Variants in RAD51B observed in about 807,000 individuals in gnomAD.
RAD51B encodes the protein DNA repair protein RAD51 homolog 2.
In RAD51B, 38 loss-of-function variants were observed where a neutral mutation model predicts 42.2. The ratio of observed to expected loss-of-function variants is 0.90; its 90% CI spans 0.70 to 1.18. RAD51B has a LOEUF of 1.18. Among genes scored for constraint, RAD51B ranks in the 50% most tolerant of loss-of-function variants. The probability of loss-of-function intolerance (pLI) is 0.00; values close to 1 mark genes in which losing one functional copy is unlikely to be tolerated. For missense variants in RAD51B, 373 were observed against 400.7 expected, an observed-to-expected ratio of 0.93 and a Z score of 0.59; for synonymous variants, 154 against 145.2, an observed-to-expected ratio of 1.06 and a Z score of -0.43.
chr14:68,527,024 G>A (rs1021895211), intron 10 of RAD51B, among the ~76,000 whole-genome samples: 2 of 152,200 alleles, frequency 1.3e-5, no homozygotes, highest in Admixed American at 1.3e-4. Flanking sequence ...TTTGGTCTGT[G>A]ACTTGCCCAA....
At chr14:68,254,009 T>C (rs945412468) in intron 7 of RAD51B, among the ~76,000 whole-genome samples, 4 of 152,262 alleles carry the variant, frequency 2.6e-5, no homozygotes, top group African/African-American at 9.6e-5. Context: ...TATCTTGATG[T>C]GCAGTGTTAG....
At chr14:68,535,160 A>C (rs1452289844) in intron 10 of RAD51B, among the ~76,000 whole-genome samples, 1 of 152,170 alleles carries the variant, frequency 6.6e-6, no homozygotes, top group Admixed American at 6.5e-5. Flanking sequence ...GAACAATCTC[A>C]AAGTAGAAGC....
chr14:67,884,241 A>G (rs2042999602), intron 5 of RAD51B, among the ~76,000 whole-genome samples: 1 of 152,170 alleles, frequency 6.6e-6, no homozygotes, highest in East Asian at 1.9e-4. Context: ...TCCATTGACC[A>G]CCATTCCTTT....
intron 7 of RAD51B, chr14:68,069,617 C>T (rs2076709394): frequency 6.6e-6 from 1 of 152,116 alleles, no homozygotes. Flanking sequence ...GACATGATCT[C>T]ACTTTTTTAA....
chr14:68,381,765 C>T (rs1484230164), intron 8 of RAD51B, among the ~76,000 whole-genome samples: 1 of 152,128 alleles, frequency 6.6e-6, no homozygotes, highest in Admixed American at 6.6e-5. Context: ...ATAACAGTGC[C>T]ACAATAAGTG....
At position 68,081,920 on chromosome 14, in the gene RAD51B, C is replaced by T. The variant is rs118087339; in HGVS notation, c.756+194716C>T. On this transcript the variant is annotated intron_variant, in intron 7 of 10. Coordinates refer to ENST00000471583, the MANE Select transcript of RAD51B (RefSeq NM_133510.4). Reference sequence around the variant, plus strand: ...ATAAATACTTATTTTTTTTTCCTAACAATTATGTGATGTTTTGGCAAATAA... The same window carrying T: ...ATAAATACTTATTTTTTTTTCCTAATAATTATGTGATGTTTTGGCAAATAA... Among the ~76,000 whole-genome samples, 55 of 152,116 alleles carry T rather than the reference C, an allele frequency of 3.6e-4. 1 individual carries two copies. The East Asian group carries it at 0.01, about 28-fold the overall frequency.
At chr14:68,179,181 T>A (rs1385896816) in intron 7 of RAD51B, among the ~76,000 whole-genome samples, 5 of 152,192 alleles carry the variant, frequency 3.3e-5, no homozygotes, top group Non-Finnish European at 7.4e-5. Context: ...GTTAAATTAC[T>A]GTTTATTGGT....
At chr14:67,845,421 A>C (rs931477989) in intron 4 of RAD51B, among the ~76,000 whole-genome samples, 1 of 151,972 alleles carries the variant, frequency 6.6e-6, no homozygotes, top group South Asian at 2.1e-4. Context: ...TAATCCTAGC[A>C]CTTTGGGAGG....
At chr14:68,422,644 CA>C (rs1168713722) in intron 9 of RAD51B, among the ~76,000 whole-genome samples, 8 of 151,428 alleles carry the variant, frequency 5.3e-5, no homozygotes, top group Non-Finnish European at 1.5e-5. Context: ...AGAAATGAAT[CA>C]AATAAGTCTC....
At chr14:68,647,411 G>T (rs1324844722) in intron 10 of RAD51B, among the ~76,000 whole-genome samples, 1 of 151,980 alleles carries the variant, frequency 6.6e-6, no homozygotes, top group Non-Finnish European at 1.5e-5. Flanking sequence ...TAAGATAGAG[G>T]TATTTTTGTA....
intron 10 of RAD51B, among the ~76,000 whole-genome samples, chr14:68,624,085 G>T (rs572567490): frequency 6.6e-6 from 1 of 152,288 alleles, no homozygotes; most frequent in African/African-American, 2.4e-5. Flanking sequence ...CCCCTGTGGA[G>T]GTCCAGGCAT....
intron 7 of RAD51B, among the ~76,000 whole-genome samples, chr14:68,127,644 CA>C (rs2077793940): frequency 7.7e-6 from 1 of 130,166 alleles, no homozygotes; most frequent in Non-Finnish European, 1.6e-5. Flanking sequence ...CACACACACA[CA>C]CACACACACA....
At position 68,489,937 on chromosome 14, in the gene RAD51B, A is replaced by C. The variant is rs149904132; in HGVS notation, c.1036+21687A>C. 2.0e-4 allele frequency among the ~76,000 whole-genome samples: 30 copies of C among 152,334 alleles called. No individual in the cohort carries two copies. The East Asian group carries it at 5.2e-3, about 26-fold the overall frequency. ...TTTGGCAGATGTGCTTCACTTGGTG[A>C]GTTTTCCTGGCAGATATATGTGAAT... On this transcript the variant is annotated intron_variant, in intron 10 of 10. Transcript: ENST00000487270.
intron 7 of RAD51B, among the ~76,000 whole-genome samples, chr14:68,088,707 A>G (rs1308804328): frequency 8.0e-5 from 10 of 125,480 alleles, no homozygotes; most frequent in East Asian, 2.4e-4. Context: ...GAAGTGGGGG[A>G]GAGAAATAAA....
At chr14:67,890,138 AC>A (rs2043174246) in intron 7 of RAD51B, among the ~76,000 whole-genome samples, 1 of 152,364 alleles carries the variant, frequency 6.6e-6, no homozygotes, top group South Asian at 2.1e-4. Context: ...ATTTATGTTG[AC>A]TTTATCATTG....
At chr14:68,285,427 G>A (rs568409804) in intron 7 of RAD51B, among the ~76,000 whole-genome samples, 1 of 152,318 alleles carries the variant, frequency 6.6e-6, no homozygotes, top group Admixed American at 6.5e-5. Flanking sequence ...TGCCTTCAGA[G>A]CTGATGAAAG....
At chr14:67,862,744 T>C (rs142749493) in intron 4 of RAD51B, among the ~76,000 whole-genome samples, 1 of 152,220 alleles carries the variant, frequency 6.6e-6, no homozygotes, top group Non-Finnish European at 1.5e-5. Context: ...TTTTTAAAGA[T>C]ACAATTTGGC....
At chr14:68,281,578 C>T (rs2081320140) in intron 7 of RAD51B, among the ~76,000 whole-genome samples, 1 of 152,202 alleles carries the variant, frequency 6.6e-6, no homozygotes, top group Non-Finnish European at 1.5e-5. Context: ...ACAGCTGCTT[C>T]AGTCACTTCC....
At chr14:68,343,641 G>C (rs568783791) in intron 8 of RAD51B, among the ~76,000 whole-genome samples, 1 of 152,256 alleles carries the variant, frequency 6.6e-6, no homozygotes, top group Non-Finnish European at 1.5e-5. Context: ...AAAGATTAGC[G>C]TGACTAAAAG....
Sources: allele counts gnomAD v4.1 joint callset (sites outside exome capture counted in the v4.1 genomes callset), GRCh38; gene constraint gnomAD v4.1.1; transcripts MANE v1.5; gene names NCBI Gene and HGNC (gene_info 2026-07-23, HGNC 2026-07-21).